GNAO1: variants seen among roughly 807,000 people sequenced by gnomAD.
GNAO1 encodes the protein guanine nucleotide-binding protein G(o) subunit alpha.
For missense variants in GNAO1, 166 were observed against 478.7 expected, an observed-to-expected ratio of 0.35 and a Z score of 6.10; for synonymous variants, 164 against 180.7, an observed-to-expected ratio of 0.91 and a Z score of 0.74.
chr16:56,283,188 A>G (rs2037130661), intron 3 of GNAO1, among the ~76,000 whole-genome samples: 1 of 152,168 alleles, frequency 6.6e-6, no homozygotes, highest in South Asian at 2.1e-4. Flanking sequence ...TTTACTTCTC[A>G]AGGCTACCTA....
At chr16:56,321,810 G>A (rs553048817) in intron 3 of GNAO1, among the ~76,000 whole-genome samples, 55 of 152,292 alleles carry the variant, frequency 3.6e-4, no homozygotes, top group Non-Finnish European at 6.6e-4. Flanking sequence ...CTGCCTGGGC[G>A]GGAGCACGCA....
intron 2 of GNAO1, among the ~76,000 whole-genome samples, chr16:56,207,465 G>A (rs986218790): frequency 6.6e-6 from 1 of 152,198 alleles, no homozygotes; most frequent in Non-Finnish European, 1.5e-5. Context: ...TGGCCAGTAC[G>A]TGGTAGAACT....
chr16:56,314,658 C>T (rs1190427364), intron 3 of GNAO1, among the ~76,000 whole-genome samples: 8 of 152,194 alleles, frequency 5.3e-5, no homozygotes, highest in Non-Finnish European at 2.9e-5. Flanking sequence ...AGTCCAGCGC[C>T]GGCGCCTGGC....
chr16:56,281,317 C>T (rs563755462), intron 3 of GNAO1, among the ~76,000 whole-genome samples: 1 of 152,232 alleles, frequency 6.6e-6, no homozygotes, highest in African/African-American at 2.4e-5. Context: ...GAGACAGCTC[C>T]CCCTGCTGTT....
intron 3 of GNAO1, among the ~76,000 whole-genome samples, chr16:56,289,380 A>G (rs1276478790): frequency 6.6e-6 from 1 of 152,200 alleles, no homozygotes; most frequent in Non-Finnish European, 1.5e-5. Flanking sequence ...TGGGGACTGT[A>G]GAAATGGGCA....
At chr16:56,206,873 A>G (rs577557119) in intron 2 of GNAO1, among the ~76,000 whole-genome samples, 2 of 152,296 alleles carry the variant, frequency 1.3e-5, no homozygotes, top group South Asian at 2.1e-4. Flanking sequence ...TTCAGCCTGT[A>G]TTATTTGCTG....
intron 3 of GNAO1, among the ~76,000 whole-genome samples, chr16:56,321,870 C>T (rs1013068137): frequency 1.1e-4 from 16 of 152,206 alleles, no homozygotes; most frequent in African/African-American, 3.9e-4. Flanking sequence ...GCGTAAAATA[C>T]TCACAGGCCA....
At chr16:56,245,524 G>A (rs1348874808) in intron 2 of GNAO1, 5 of 154,812 alleles carry the variant, frequency 3.2e-5, no homozygotes, top group Non-Finnish European at 7.3e-5. Context: ...TGATGTGGAT[G>A]TGTTCCTGTC....
chr16:56,319,681 G>A lies in GNAO1; in HGVS notation c.304-8950G>A, dbSNP rs144055115. Among the ~76,000 whole-genome samples the A allele has an allele frequency of 5.0e-3, 765 of 152,216 alleles. 5 individuals are homozygous for A. The highest frequency in any genetic ancestry group is 0.018 in the African/African-American group (732 of 41,510). On this transcript the variant is annotated intron_variant, in intron 3 of 8. Coordinates refer to ENST00000262493, the MANE Select transcript of GNAO1 (RefSeq NM_020988.3). The stretch of plus-strand genomic sequence containing the variant: ...ACAGGGCCTGTGTGCCAGGATAAGG[G>A]ACCCCCTGTGTAATGCCAGTTCCGG...
At position 56,282,105 on chromosome 16, in the gene GNAO1, G is replaced by A. The variant is rs528371177; in HGVS notation, c.303+6033G>A. Among the ~76,000 whole-genome samples the A allele has an allele frequency of 1.6e-4, 24 of 152,272 alleles. No individual in the cohort carries two copies. In the East Asian group the frequency reaches 4.4e-3, roughly 28 times the overall value. On this transcript the variant is annotated intron_variant, in intron 3 of 8. Transcript: ENST00000262493. ...ACTATAAACTCCTTAAGGGCAGAGT[G>A]TAGATCCTGTTCCTCTAGCACAATG...
chr16:56,230,410 C>T (rs2036578592), intron 2 of GNAO1, among the ~76,000 whole-genome samples: 1 of 152,204 alleles, frequency 6.6e-6, no homozygotes, highest in African/African-American at 2.4e-5. Context: ...AATGGGCCTT[C>T]AGCAAACAGT....
At chr16:56,249,053 A>G (rs558189626) in intron 2 of GNAO1, among the ~76,000 whole-genome samples, 2 of 152,324 alleles carry the variant, frequency 1.3e-5, no homozygotes, top group South Asian at 4.1e-4. Flanking sequence ...TCCACAAGAA[A>G]CTACGGTGGT....
chr16:56,243,357 A>G (rs1472559239), intron 2 of GNAO1, among the ~76,000 whole-genome samples: 2 of 152,184 alleles, frequency 1.3e-5, no homozygotes, highest in South Asian at 2.1e-4. Flanking sequence ...GCTGCTTTAG[A>G]GGATATTGTC....
intron 3 of GNAO1, among the ~76,000 whole-genome samples, chr16:56,327,663 C>T (rs1441170783): frequency 6.6e-6 from 1 of 152,120 alleles, no homozygotes; most frequent in African/African-American, 2.4e-5. Flanking sequence ...TTTGAAAAGG[C>T]GACCCCACTT....
At chr16:56,320,155 C>T (rs1159042550) in intron 3 of GNAO1, among the ~76,000 whole-genome samples, 1 of 152,288 alleles carries the variant, frequency 6.6e-6, no homozygotes, top group East Asian at 1.9e-4. Flanking sequence ...AATGGCATCT[C>T]GCTTACTGTT....
intron 3 of GNAO1, among the ~76,000 whole-genome samples, chr16:56,286,500 C>T (rs1167215429): frequency 3.3e-5 from 5 of 152,146 alleles, no homozygotes; most frequent in South Asian, 2.1e-4. Context: ...TCCACTCTGC[C>T]GCACTGTGTG....
chr16:56,318,925 A>G (rs548604622), intron 3 of GNAO1, among the ~76,000 whole-genome samples: 6 of 152,276 alleles, frequency 3.9e-5, no homozygotes, highest in Non-Finnish European at 7.3e-5. Context: ...TAGTGAGAGA[A>G]CAGAGGCTCA....
intron 6 of GNAO1, among the ~76,000 whole-genome samples, chr16:56,338,549 T>C (rs13338253): frequency 0.41 from 62,895 of 152,184 alleles, 13,191 homozygotes; most frequent in South Asian, 0.52. Context: ...CTCATCTTTT[T>C]TCCCCCATGT....
In GNAO1 at chr16:56,215,001, C is replaced by T. The variant is rs1469835576; in HGVS notation, c.161+22385C>T. Among the ~76,000 whole-genome samples the T allele has an allele frequency of 3.3e-5, 5 of 152,196 alleles. No individual in the cohort carries two copies. In the East Asian group the frequency reaches 7.7e-4, roughly 23 times the overall value. On this transcript the variant is annotated intron_variant, in intron 2 of 8. Coordinates refer to ENST00000262493, the MANE Select transcript of GNAO1 (RefSeq NM_020988.3). ...CATTGGCTTGGCTTGGAGGACATAC[C>T]ATGGTGTAGTGCACCACACTGATCC... is the stretch of plus-strand genomic sequence containing the variant.
Sources: allele counts gnomAD v4.1 joint callset (sites outside exome capture counted in the v4.1 genomes callset), GRCh38; gene constraint gnomAD v4.1.1; transcripts MANE v1.5; gene names NCBI Gene and HGNC (gene_info 2026-07-23, HGNC 2026-07-21).